Variants in HHLA1 observed in about 807,000 individuals in gnomAD.
HHLA1 encodes the protein HERV-H LTR-associating protein 1.
A neutral mutation model predicts 69.9 loss-of-function variants in HHLA1; 72 were observed. The ratio of observed to expected loss-of-function variants is 1.03; its 90% CI spans 0.85 to 1.25. The LOEUF is 1.25. Ranked by LOEUF, HHLA1 falls within the 50% of genes most tolerant of loss-of-function variation. The pLI, the probability that HHLA1 is intolerant of heterozygous loss-of-function variation, is 0.00. For synonymous variants in HHLA1, 252 were observed against 233.2 expected (o/e 1.08, Z -0.73); for missense variants, 685 against 642.2 (o/e 1.07, Z -0.72).
intron 10 of HHLA1, 68 bp from the exon 11 acceptor site, chr8:132,080,034 C>T (rs1378842739): frequency 6.6e-7 from 1 of 1,516,400 alleles, no homozygotes; most frequent in Non-Finnish European, 9.0e-7. Context: ...ACTGAAAGGT[C>T]ACTGGACTGC....
intron 14 of HHLA1, among the ~76,000 whole-genome samples, chr8:132,074,944 T>G (rs1390969222): frequency 1.3e-5 from 2 of 152,142 alleles, no homozygotes; most frequent in Non-Finnish European, 2.9e-5. Context: ...GTTATACAGA[T>G]AGCTATAGAT....
At chr8:132,075,692 A>C (rs1334656601) in intron 14 of HHLA1, among the ~76,000 whole-genome samples, 1 of 152,244 alleles carries the variant, frequency 6.6e-6, no homozygotes, top group Non-Finnish European at 1.5e-5. Context: ...CAAAGTGCCC[A>C]GCATGCTACC....
chr8:132,104,235 A>T, intron 2 of HHLA1, 68 bp from the exon 3 acceptor site: 1 of 1,110,906 alleles, frequency 9.0e-7, no homozygotes, highest in Non-Finnish European at 1.3e-6. Context: ...ATTTGATTCA[A>T]CATACCCATT....
At chr8:132,070,245 A>C (rs754116019) in intron 15 of HHLA1, 1 of 685,890 alleles carries the variant, frequency 1.5e-6, no homozygotes. Flanking sequence ...TCCCAGAAGA[A>C]ATAACAGTAT....
chr8:132,083,712 T>C (rs1357929483), intron 10 of HHLA1, among the ~76,000 whole-genome samples: 1 of 152,038 alleles, frequency 6.6e-6, no homozygotes, highest in African/African-American at 2.4e-5. Flanking sequence ...CAAGCTCCTG[T>C]GGGAGGAGGT....
intron 2 of HHLA1, among the ~76,000 whole-genome samples, chr8:132,104,916 T>A (rs1824178697): frequency 6.6e-6 from 1 of 152,140 alleles, no homozygotes; most frequent in African/African-American, 2.4e-5. Flanking sequence ...GAGAAGCTGG[T>A]TTGGAAAGCT....
At chr8:132,091,755 T>C (rs1223927664) in intron 7 of HHLA1, among the ~76,000 whole-genome samples, 1 of 152,214 alleles carries the variant, frequency 6.6e-6, no homozygotes, top group Non-Finnish European at 1.5e-5. Flanking sequence ...TGTTGGCACA[T>C]GTGAGTGGGA....
chr8:132,074,509 A>T (rs1282430924), intron 14 of HHLA1, among the ~76,000 whole-genome samples: 1 of 152,232 alleles, frequency 6.6e-6, no homozygotes, highest in Non-Finnish European at 1.5e-5. Flanking sequence ...GAAAGTAAAA[A>T]TAGGCCTAGC....
In HHLA1 at chr8:132,086,518, A is replaced by T. The variant is rs41342246; in HGVS notation, c.676+1135T>A. 1.2e-3 allele frequency among the ~76,000 whole-genome samples: 184 copies of T among 152,338 alleles called. 2 individuals are homozygous for T. In the East Asian group the frequency reaches 0.033, roughly 27 times the overall value. On this transcript the variant is annotated intron_variant, in intron 10 of 16. Coordinates refer to ENST00000414222, the MANE Select transcript of HHLA1 (RefSeq NM_001145095.3). Reference sequence around the variant, plus strand: ...CTCAGCCAGGTACTTGCTTTCAGGCACATCAACTTTAGCATCAGCTTGTAA... The same window carrying T: ...CTCAGCCAGGTACTTGCTTTCAGGCTCATCAACTTTAGCATCAGCTTGTAA...
intron 15 of HHLA1, among the ~76,000 whole-genome samples, chr8:132,067,768 T>A (rs912039356): frequency 4.6e-5 from 7 of 152,218 alleles, no homozygotes; most frequent in Non-Finnish European, 8.8e-5. Context: ...TTTACATGAA[T>A]GGTGCTCCTG....
chr8:132,064,197 GA>G (rs901410448), intron 16 of HHLA1, among the ~76,000 whole-genome samples, 159 bp from the exon 17 acceptor site: 1 of 152,198 alleles, frequency 6.6e-6, no homozygotes, highest in Non-Finnish European at 1.5e-5. Context: ...GTGAGACTCA[GA>G]AGGTGGAAAA....
intron 8 of HHLA1, among the ~76,000 whole-genome samples, chr8:132,088,519 A>G (rs1823897725): frequency 6.6e-6 from 1 of 152,160 alleles, no homozygotes; most frequent in Admixed American, 6.5e-5. Flanking sequence ...TTCCCTGACG[A>G]TGCTGCCTAA....
Position 132,087,831 on chromosome 8 carries a change from G to A in HHLA1, c.589+14C>T. The A allele has an allele frequency of 6.5e-7, 1 of 1,549,836 alleles. No individual in the cohort carries two copies. Among genetic ancestry groups the A allele is most frequent in the Non-Finnish European group, 8.7e-7 (1 of 1,145,184 alleles). Reference sequence around the variant, plus strand: ...CAGCCCAGAGAGCTTGTCAAAGAATGTCTAGTGGTTTACCTGACTTTCCTG... The same window carrying A: ...CAGCCCAGAGAGCTTGTCAAAGAATATCTAGTGGTTTACCTGACTTTCCTG... On this transcript the variant is annotated intron_variant, in intron 9 of 16. Coordinates refer to ENST00000414222, the MANE Select transcript of HHLA1 (RefSeq NM_001145095.3).
At chr8:132,092,656 T>G (rs1823964558) in intron 7 of HHLA1, among the ~76,000 whole-genome samples, 1 of 152,204 alleles carries the variant, frequency 6.6e-6, no homozygotes, top group Non-Finnish European at 1.5e-5. Context: ...ATTGTAAGTT[T>G]CCTGAGGTCT....
chr8:132,070,356 T>C (rs1003184209), intron 15 of HHLA1: 4 of 702,122 alleles, frequency 5.7e-6, no homozygotes, highest in Non-Finnish European at 7.8e-6. Context: ...TGCTGGTGGA[T>C]GATTGGTAGG....
Position 132,063,801 on chromosome 8 carries a change from AC to A in HHLA1, c.*193del, listed in dbSNP as rs1372501663. On this transcript the variant is annotated 3_prime_UTR_variant, in exon 17 of 17. Transcript: ENST00000414222. ...TGAGGCCTCTAACAAGAAAACTTCT[AC>A]CTTCAATGTTTTGCACAGATTCACA... 1 of 210,256 alleles carries A rather than the reference AC, an allele frequency of 4.8e-6. No individual in the cohort carries two copies. Among genetic ancestry groups the A allele is most frequent in the African/African-American group, 2.2e-5 (1 of 44,698 alleles). 13.0% of individuals were successfully genotyped at this position (210,256 alleles called of 1,614,324 possible).
intron 1 of HHLA1, among the ~76,000 whole-genome samples, chr8:132,110,219 T>C (rs2436107): frequency 0.53 from 80,666 of 151,998 alleles, 21,540 homozygotes; most frequent in South Asian, 0.65. Flanking sequence ...GGGTGTGGGC[T>C]AGCCACAGTG....
intron 15 of HHLA1, 125 bp from the exon 16 acceptor site, chr8:132,066,093 C>T (rs1823434036): frequency 2.5e-6 from 1 of 393,308 alleles, no homozygotes; most frequent in Admixed American, 3.2e-5. Flanking sequence ...GCAAGGAACC[C>T]TCTGCCCATC....
chr8:132,085,504 A>T, intron 10 of HHLA1: 2 of 364,412 alleles, frequency 5.5e-6, no homozygotes, highest in Non-Finnish European at 1.1e-5. Context: ...GAGGACGGGG[A>T]TTGATTTCCC....
Sources: gnomAD v4.1 joint callset for allele counts (sites outside exome capture counted in the v4.1 genomes callset) on GRCh38, gnomAD v4.1.1 for gene constraint, MANE v1.5 for transcripts, NCBI Gene and HGNC (gene_info 2026-07-23, HGNC 2026-07-21) for gene names.